Variants in ANKRD24 observed in about 807,000 individuals in gnomAD.
ANKRD24 encodes ankyrin repeat domain-containing protein 24.
A neutral mutation model predicts 127.8 loss-of-function variants in ANKRD24; 109 were observed. That is an observed-to-expected ratio of 0.85 (90% confidence interval 0.73 to 1.00). The LOEUF (loss-of-function observed/expected upper bound fraction) is 1.00. Among genes scored for constraint, ANKRD24 ranks in the 50% least tolerant of loss-of-function variants. ANKRD24 has a pLI of 0.00. For synonymous variants in ANKRD24, 743 were observed against 671.1 expected, an observed-to-expected ratio of 1.11 and a Z score of -1.66; for missense variants, 1,648 against 1,570.2, an observed-to-expected ratio of 1.05 and a Z score of -0.84.
rs879210939 is a variant in ANKRD24 at position 4,208,944 on chromosome 19, C to T, written c.870+143C>T. ...GAATGCTACCTTCAGGGTATGCTGCCACCAAGTGGCGGCAGTGTGCTCAGC... is the reference window on the plus strand; with the variant it reads ...GAATGCTACCTTCAGGGTATGCTGCTACCAAGTGGCGGCAGTGTGCTCAGC... On this transcript the variant is annotated intron_variant, in intron 11 of 21. Transcript: ENST00000318934. The T allele has an allele frequency of 9.2e-6, 8 of 873,372 alleles. No homozygotes were observed. The South Asian group carries it at 1.4e-4, about 15-fold the overall frequency. The allele number at this position is 873,372 out of a possible 1,614,324, so 54.1% of individuals were successfully genotyped here.
intron 15 of ANKRD24, among the ~76,000 whole-genome samples, chr19:4,215,391 G>C (rs536076868): frequency 6.6e-6 from 1 of 151,708 alleles, no homozygotes; most frequent in South Asian, 2.1e-4. Flanking sequence ...AGGTTGAGGC[G>C]GGAGAATCAC....
chr19:4,204,841 A>G (rs1969295032), intron 7 of ANKRD24, among the ~76,000 whole-genome samples: 1 of 152,174 alleles, frequency 6.6e-6, no homozygotes, highest in Non-Finnish European at 1.5e-5. Flanking sequence ...TTGTCACTCA[A>G]CAGTTAACTG....
intron 1 of ANKRD24, chr19:4,183,343 C>G: frequency 1.0e-6 from 1 of 986,338 alleles, no homozygotes; most frequent in African/African-American, 1.7e-5. Context: ...TGCTCAAGGT[C>G]AATGGGGCTG....
At position 4,198,589 on chromosome 19, in the gene ANKRD24, T is replaced by C; in HGVS notation, c.37-1094T>C. The C allele has an allele frequency of 2.2e-6, 1 of 445,210 alleles. No individual in the cohort carries two copies. Among genetic ancestry groups the C allele is most frequent in the Non-Finnish European group, 4.0e-6 (1 of 251,270 alleles). The allele number at this position is 445,210 out of a possible 1,614,324, so 27.6% of individuals were successfully genotyped here. On this transcript the variant is annotated intron_variant, in intron 2 of 21. Coordinates refer to ENST00000318934, the MANE Select transcript of ANKRD24 (RefSeq NM_001393985.1). The surrounding 1 kb of genome is among the most constrained non-coding windows in gnomAD (Gnocchi z 6.1). ...CGGGGCGCGGGTACCTCCTCTCCCC[T>C]CCCTTCCCCGTCCCCGGCTGACCTG...
chr19:4,208,991 G>C, intron 11 of ANKRD24, 190 bp downstream of exon 11: 1 of 394,416 alleles, frequency 2.5e-6, no homozygotes, highest in Non-Finnish European at 4.7e-6. Context: ...AACTGGGTGA[G>C]AATACTGGAT....
At chr19:4,213,919 G>A (rs566363260) in intron 15 of ANKRD24, among the ~76,000 whole-genome samples, 52 of 152,270 alleles carry the variant, frequency 3.4e-4, no homozygotes, top group Middle Eastern at 6.8e-3. Context: ...ACAGGTATGA[G>A]CCACCACACT....
rs1466998850 is a variant in ANKRD24 at position 4,216,275 on chromosome 19, C to T, written c.1271-9C>T. 5 of 1,551,842 alleles carry T rather than the reference C, an allele frequency of 3.2e-6. No individual in the cohort carries two copies. Among genetic ancestry groups the T allele is most frequent in the Non-Finnish European group, 4.4e-6 (5 of 1,147,234 alleles). Reference sequence around the variant, plus strand: ...GGTCCCCAGGGCCTGACTCTGCGTCCCCCTCCAGGGGCCGAGGTGCTGCTG... The same window carrying T: ...GGTCCCCAGGGCCTGACTCTGCGTCTCCCTCCAGGGGCCGAGGTGCTGCTG... On this transcript the variant is annotated splice_polypyrimidine_tract_variant and intron_variant, in intron 16 of 21. Coordinates refer to ENST00000318934, the MANE Select transcript of ANKRD24 (RefSeq NM_001393985.1).
Position 4,212,429 on chromosome 19 carries a change from G to A in ANKRD24, c.1060-46G>A, listed in dbSNP as rs749193473. The stretch of plus-strand genomic sequence containing the variant: ...TATGAAGCAGGAGGTGGGGCAGGGA[G>A]GCCTCTTGCCCAGATCCAAACCCCT... On this transcript the variant is annotated intron_variant, in intron 13 of 21. Transcript: ENST00000318934. 11 of 1,560,408 alleles carry A rather than the reference G, an allele frequency of 7.0e-6. No individual in the cohort carries two copies. The South Asian group carries it at 1.3e-4, about 19-fold the overall frequency.
Position 4,198,165 on chromosome 19 carries a change from A to G in ANKRD24, c.37-1518A>G. The G allele has an allele frequency of 1.8e-6, 1 of 563,426 alleles. No homozygotes were observed. The allele number at this position is 563,426 out of a possible 1,614,324, so 34.9% of individuals were successfully genotyped here. A position where few individuals can be genotyped will look rare whatever the true frequency, so the allele number is the denominator to read the frequency against. On this transcript the variant is annotated intron_variant, in intron 2 of 21. Coordinates refer to ENST00000318934, the MANE Select transcript of ANKRD24 (RefSeq NM_001393985.1). This position sits in a 1 kb window ranked among gnomAD's most constrained non-coding sequence, Gnocchi z 6.1. The stretch of plus-strand genomic sequence containing the variant: ...ATGCAGCCGGCGGCCTGCGCTGGTG[A>G]GGGAGCCGGGCCCCCGGCGCCGCGT...
At chr19:4,186,218 A>T in intron 1 of ANKRD24, 172 bp from the exon 2 acceptor site, 9 of 1,391,416 alleles carry the variant, frequency 6.5e-6, no homozygotes, top group Non-Finnish European at 8.4e-6. Context: ...GGGCAAGTAA[A>T]CTGCCAAAGG....
intron 18 of ANKRD24, among the ~76,000 whole-genome samples, chr19:4,218,753 CTTTT>C (rs556461670): frequency 1.8e-5 from 2 of 110,198 alleles, no homozygotes; most frequent in Non-Finnish European, 3.7e-5. Flanking sequence ...CCCTTCCTTT[CTTTT>C]TTTTTTTTTT....
chr19:4,212,583 T>G lies in ANKRD24; in HGVS notation c.1099-17T>G, dbSNP rs1046440566. 40 of 1,549,660 alleles carry G rather than the reference T, an allele frequency of 2.6e-5. No homozygotes were observed. The highest frequency in any genetic ancestry group is 3.2e-5 in the Non-Finnish European group (37 of 1,146,420). ...CTTTCCTCCCAGAGGCAGCTGAGCC[T>G]CCACTGCTGCTCCCAGGTGCAAGAG... On this transcript the variant is annotated splice_polypyrimidine_tract_variant and intron_variant, in intron 14 of 21. Coordinates refer to ENST00000318934, the MANE Select transcript of ANKRD24 (RefSeq NM_001393985.1).
chr19:4,188,693 A>G (rs1599391221), intron 2 of ANKRD24, among the ~76,000 whole-genome samples: 1 of 148,200 alleles, frequency 6.7e-6, no homozygotes, highest in East Asian at 2.1e-4. Flanking sequence ...CCTGGGATAG[A>G]ATCAGGTGGC....
intron 7 of ANKRD24, among the ~76,000 whole-genome samples, chr19:4,203,235 G>T (rs1969194304): frequency 6.6e-6 from 1 of 152,088 alleles, no homozygotes; most frequent in East Asian, 1.9e-4. Flanking sequence ...TTTTAGTAAA[G>T]ACGGGGTTTC....
At chr19:4,190,927 G>A (rs1332321585) in intron 2 of ANKRD24, among the ~76,000 whole-genome samples, 1 of 152,178 alleles carries the variant, frequency 6.6e-6, no homozygotes, top group African/African-American at 2.4e-5. Context: ...AATCTTTCAA[G>A]AAGTGTGGGT....
chr19:4,183,855 C>T (rs192853995), intron 1 of ANKRD24, among the ~76,000 whole-genome samples: 3 of 152,112 alleles, frequency 2.0e-5, no homozygotes, highest in East Asian at 3.9e-4. Flanking sequence ...TGCGGTGAGC[C>T]GGAGATCGCG....
At position 4,195,444 on chromosome 19, in the gene ANKRD24, T is replaced by C. The variant is rs1240984565; in HGVS notation, c.37-4239T>C. 3.9e-5 allele frequency among the ~76,000 whole-genome samples: 6 copies of C among 152,274 alleles called. No individual in the cohort carries two copies. In the South Asian group the frequency reaches 1.0e-3, roughly 26 times the overall value. Reference sequence around the variant, plus strand: ...ACAGTTGGAAACTGAAGCCCTGAGCTGGGAGATCCGTTTCGGTCTCTTCTC... The same window carrying C: ...ACAGTTGGAAACTGAAGCCCTGAGCCGGGAGATCCGTTTCGGTCTCTTCTC... On this transcript the variant is annotated intron_variant, in intron 2 of 21. Transcript: ENST00000318934. This position sits in a 1 kb window ranked among gnomAD's most constrained non-coding sequence, Gnocchi z 4.2.
chr19:4,198,462 G>A lies in ANKRD24; in HGVS notation c.37-1221G>A. 1 of 614,690 alleles carries A rather than the reference G, an allele frequency of 1.6e-6. No individual in the cohort carries two copies. The highest frequency in any genetic ancestry group is 2.9e-6 in the Non-Finnish European group (1 of 341,728). The allele number at this position is 614,690 out of a possible 1,614,324, so 38.1% of individuals were successfully genotyped here. ...GGCCGCCGCCTCCTCTTGGAACCCC[G>A]TGCGCCCCCCGCGCCCCGCGCCCCG... On this transcript the variant is annotated intron_variant, in intron 2 of 21. Coordinates refer to ENST00000318934, the MANE Select transcript of ANKRD24 (RefSeq NM_001393985.1). This position sits in a 1 kb window ranked among gnomAD's most constrained non-coding sequence, Gnocchi z 6.1.
intron 19 of ANKRD24, among the ~76,000 whole-genome samples, chr19:4,221,919 G>A (rs1308930559): frequency 2.6e-5 from 4 of 152,152 alleles, no homozygotes; most frequent in East Asian, 1.9e-4. Context: ...CCTCCAAGTC[G>A]TGACAACCAC....
Sources: gnomAD v4.1 joint callset for allele counts (sites outside exome capture counted in the v4.1 genomes callset) on GRCh38, gnomAD v4.1.1 for gene constraint, Gnocchi (gnomAD v3.1) non-coding constraint, MANE v1.5 for transcripts, NCBI Gene and HGNC (gene_info 2026-07-23, HGNC 2026-07-21) for gene names.